Variants in NCR3LG1 observed in about 807,000 individuals in gnomAD.
NCR3LG1 encodes natural cytotoxicity triggering receptor 3 ligand 1.
Under a neutral mutation model 34.8 loss-of-function variants are expected in NCR3LG1, and 35 were observed. The observed-to-expected ratio is 1.01, with a 90% CI of 0.77 to 1.33. The LOEUF (loss-of-function observed/expected upper bound fraction) is 1.33. Among genes scored for constraint, NCR3LG1 ranks in the 40% most tolerant of loss-of-function variants. NCR3LG1 has a pLI of 0.00. For missense variants in NCR3LG1, 452 were observed against 423.3 expected, an observed-to-expected ratio of 1.07 and a Z score of -0.60; for synonymous variants, 173 against 163.6, an observed-to-expected ratio of 1.06 and a Z score of -0.44.
At chr11:17,356,003 A>G (rs891557210) in intron 1 of NCR3LG1, among the ~76,000 whole-genome samples, 2 of 151,534 alleles carry the variant, frequency 1.3e-5, no homozygotes, top group Non-Finnish European at 2.9e-5. Flanking sequence ...GTCCCATTAT[A>G]TTGCCTAGTC....
chr11:17,356,136 C>CTTTTTTTTTTTTTT (rs71457872), intron 1 of NCR3LG1, among the ~76,000 whole-genome samples: 1 of 104,562 alleles, frequency 9.6e-6, no homozygotes. Context: ...TTCTTTCTTT[C>CTTTTTTTTTTTTTT]TTTTTTTTTT....
chr11:17,365,343 C>G (rs565952272), intron 2 of NCR3LG1, among the ~76,000 whole-genome samples: 27 of 152,280 alleles, frequency 1.8e-4, no homozygotes, highest in Non-Finnish European at 3.5e-4. Flanking sequence ...TTGTAGCTCT[C>G]TCACTTATAA....
chr11:17,354,553 T>C (rs1270900825), intron 1 of NCR3LG1, among the ~76,000 whole-genome samples: 12 of 103,492 alleles, frequency 1.2e-4, no homozygotes, highest in African/African-American at 8.4e-4. Flanking sequence ...TTCTTTTTTT[T>C]TTTTTTTTTT....
At chr11:17,353,395 G>C (rs563627027) in intron 1 of NCR3LG1, among the ~76,000 whole-genome samples, 8 of 151,734 alleles carry the variant, frequency 5.3e-5, no homozygotes, top group African/African-American at 2.0e-4. Context: ...TTGTCTCCGC[G>C]CTGCGGACTT....
At position 17,362,673 on chromosome 11, in the gene NCR3LG1, CTCCTTCCT is replaced by C. The variant is rs145031864; in HGVS notation, c.422-4322_422-4315del. On this transcript the variant is annotated intron_variant, in intron 2 of 4. Coordinates refer to ENST00000338965, the MANE Select transcript of NCR3LG1 (RefSeq NM_001202439.3). ...TTTTTACTAGTTATTGACTCAGTGT[CTCCTTCCT>C]TCCTTCCTTCCTTTCTTTCTTTCTT... 3.1e-4 allele frequency among the ~76,000 whole-genome samples: 20 copies of C among 63,850 alleles called. 1 individual carries two copies. Among genetic ancestry groups the C allele is most frequent in the Middle Eastern group, 0.01 (1 of 100 alleles). 41.9% of individuals were successfully genotyped at this position (63,850 alleles called of 152,430 possible).
chr11:17,363,628 T>C (rs1953312347), intron 2 of NCR3LG1, among the ~76,000 whole-genome samples: 1 of 151,164 alleles, frequency 6.6e-6, no homozygotes, highest in Admixed American at 6.6e-5. Context: ...TCCCACTCTG[T>C]TTCCCAGGTT....
Position 17,354,196 on chromosome 11 carries a change from A to G in NCR3LG1, c.70+2157A>G, listed in dbSNP as rs190302508. On this transcript the variant is annotated intron_variant, in intron 1 of 4. Transcript: ENST00000338965. ...AGAGCTCTAGAACTGGAGGTTCTCTATGTAGGTTATACCACTAGTTGATTT... is the reference window on the plus strand; with the variant it reads ...AGAGCTCTAGAACTGGAGGTTCTCTGTGTAGGTTATACCACTAGTTGATTT... Among the ~76,000 whole-genome samples the G allele has an allele frequency of 5.9e-5, 9 of 152,378 alleles. No individual in the cohort carries two copies. The East Asian group carries it at 1.3e-3, about 23-fold the overall frequency.
chr11:17,362,049 G>A (rs761971722), intron 2 of NCR3LG1, among the ~76,000 whole-genome samples: 1 of 152,188 alleles, frequency 6.6e-6, no homozygotes, highest in Non-Finnish European at 1.5e-5. Flanking sequence ...GGTTAGAAGG[G>A]ACATCTTGTC....
chr11:17,368,821 C>T, intron 3 of NCR3LG1, 46 bp from the exon 4 acceptor site: 1 of 1,304,404 alleles, frequency 7.7e-7, no homozygotes, highest in Non-Finnish European at 1.1e-6. Flanking sequence ...TTTCTCTGGC[C>T]CTTGCCAGTA....
In NCR3LG1 at chr11:17,372,462, A is replaced by G; in HGVS notation, c.1315A>G (p.Thr439Ala). The G allele has an allele frequency of 1.4e-6, 1 of 702,702 alleles. No homozygotes were observed. Among genetic ancestry groups the G allele is most frequent in the Non-Finnish European group, 2.6e-6 (1 of 384,894 alleles). 43.5% of individuals were successfully genotyped at this position (702,702 alleles called of 1,614,324 possible). Residue 439 changes from threonine to alanine, a missense_variant, in exon 5 of 5, where the codon ACT becomes GCT. Thr to Ala is a moderately conservative substitution (Grantham distance 58, BLOSUM62 0). Transcript: ENST00000338965. ...WEPPPATTST[T>A]PVLSSQPPTL... ...ACCTCCTCCAGCCACAACATCAACA[A>G]CTCCAGTTCTATCCTCCCAACCCCC...
chr11:17,374,397 C>T lies in NCR3LG1; in HGVS notation c.*1885C>T, dbSNP rs1953450736. ...CCCCACCTATTTGGGCAAGTATTGT[C>T]AAGAGATCTCTTCGAATTCTTCCAT... On this transcript the variant is annotated 3_prime_UTR_variant, in exon 5 of 5. Coordinates refer to ENST00000338965, the MANE Select transcript of NCR3LG1 (RefSeq NM_001202439.3). The T allele has an allele frequency of 6.6e-6, 1 of 152,170 alleles. No homozygotes were observed. Among genetic ancestry groups the T allele is most frequent in the Admixed American group, 6.5e-5 (1 of 15,288 alleles). 9.4% of individuals were successfully genotyped at this position (152,170 alleles called of 1,614,324 possible). A position where few individuals can be genotyped will look rare whatever the true frequency, so the allele number is the denominator to read the frequency against.
At chr11:17,353,592 C>T (rs1953167261) in intron 1 of NCR3LG1, among the ~76,000 whole-genome samples, 1 of 152,232 alleles carries the variant, frequency 6.6e-6, no homozygotes, top group South Asian at 2.1e-4. Context: ...GCCTTGGGTC[C>T]CCGCCACTTT....
chr11:17,372,799 G>T lies in NCR3LG1; in HGVS notation c.*287G>T, dbSNP rs1350359632. The T allele has an allele frequency of 8.4e-6, 3 of 355,974 alleles. No individual in the cohort carries two copies. The highest frequency in any genetic ancestry group is 4.6e-5 in the East Asian group (1 of 21,524). 22.1% of individuals were successfully genotyped at this position (355,974 alleles called of 1,614,324 possible). On this transcript the variant is annotated 3_prime_UTR_variant, in exon 5 of 5. Transcript: ENST00000338965. ...AAGGAAAGAAGGTGAGAAACAACCA[G>T]CATTCACATACCCAATAGGAAGCGA...
At chr11:17,365,060 T>C (rs2133355604) in intron 2 of NCR3LG1, among the ~76,000 whole-genome samples, 1 of 152,368 alleles carries the variant, frequency 6.6e-6, no homozygotes, top group South Asian at 2.1e-4. Context: ...ATGATAATTC[T>C]AAAATCTGTG....
intron 2 of NCR3LG1, among the ~76,000 whole-genome samples, 169 bp downstream of exon 2, chr11:17,357,170 C>T (rs1384166221): frequency 6.6e-6 from 1 of 152,184 alleles, no homozygotes; most frequent in Non-Finnish European, 1.5e-5. Flanking sequence ...AACAAAATAC[C>T]ATTGACTGGA....
At chr11:17,355,352 G>A (rs896283229) in intron 1 of NCR3LG1, among the ~76,000 whole-genome samples, 5 of 151,890 alleles carry the variant, frequency 3.3e-5, no homozygotes, top group Admixed American at 6.6e-5. Context: ...AGCAGTGATA[G>A]CACCACTGCA....
intron 3 of NCR3LG1, 119 bp downstream of exon 3, chr11:17,367,466 A>T: frequency 1.1e-6 from 1 of 870,626 alleles, no homozygotes; most frequent in Non-Finnish European, 1.7e-6. Flanking sequence ...GAAAGCTTGG[A>T]CTGGAAGGAC....
chr11:17,356,459 A>G (rs189336713), intron 1 of NCR3LG1, among the ~76,000 whole-genome samples, 192 bp from the exon 2 acceptor site: 1 of 152,026 alleles, frequency 6.6e-6, no homozygotes, highest in East Asian at 1.9e-4. Flanking sequence ...TTGTAAGGGC[A>G]CTAATCCCAT....
intron 1 of NCR3LG1, among the ~76,000 whole-genome samples, chr11:17,354,665 AG>A (rs1316188625): frequency 6.8e-6 from 1 of 147,222 alleles, no homozygotes; most frequent in African/African-American, 2.5e-5. Context: ...GTTGGCCACC[AG>A]GGGGAAGCAT....
Sources: allele counts gnomAD v4.1 joint callset (sites outside exome capture counted in the v4.1 genomes callset), GRCh38; gene constraint gnomAD v4.1.1; transcripts MANE v1.5; gene names NCBI Gene and HGNC (gene_info 2026-07-23, HGNC 2026-07-21).